The following RYR3 variants were observed in gnomAD, a reference collection of about 807,000 sequenced individuals.
RYR3 encodes ryanodine receptor 3.
In RYR3, 207 loss-of-function variants were observed where a neutral mutation model predicts 584.3. That is an observed-to-expected ratio of 0.35 (90% CI 0.32 to 0.40). The LOEUF (loss-of-function observed/expected upper bound fraction) is 0.40, where lower values mean the gene tolerates loss of function less well. Among genes scored for constraint, RYR3 ranks in the 10% least tolerant of loss-of-function variants. RYR3 has a pLI of 1.00. For synonymous variants in RYR3, 2,416 were observed against 2,248.5 expected, an observed-to-expected ratio of 1.07 and a Z score of -2.11; for missense variants, 5,616 against 6,089.2, an observed-to-expected ratio of 0.92 and a Z score of 2.59.
chr15:33,529,417 C>G (rs1182114045), intron 3 of RYR3, among the ~76,000 whole-genome samples: 1 of 152,158 alleles, frequency 6.6e-6, no homozygotes, highest in Non-Finnish European at 1.5e-5. Context: ...TCCACACTAC[C>G]TGATTCCCTT....
At chr15:33,639,106 A>G (rs1305010627) in intron 27 of RYR3, among the ~76,000 whole-genome samples, 2 of 152,174 alleles carry the variant, frequency 1.3e-5, no homozygotes, top group Non-Finnish European at 2.9e-5. Flanking sequence ...TGAGCAGAGG[A>G]ATACTATAGA....
chr15:33,512,211 C>T (rs1169122239), intron 3 of RYR3, among the ~76,000 whole-genome samples: 1 of 152,192 alleles, frequency 6.6e-6, no homozygotes, highest in Admixed American at 6.5e-5. Context: ...CTTCAGACCT[C>T]TTCCAGTGCT....
At chr15:33,606,694 C>T (rs575680177) in intron 18 of RYR3, among the ~76,000 whole-genome samples, 24 of 152,262 alleles carry the variant, frequency 1.6e-4, no homozygotes, top group Non-Finnish European at 2.8e-4. Context: ...CTCACTTTCC[C>T]TCTCTGGATG....
chr15:33,550,304 C>A lies in RYR3; in HGVS notation c.960C>A (p.Phe320Leu). Reference sequence around the variant, plus strand: ...ACACCAAGTCCACAGCTTTCTCTTTCCGGGCATCAAAGGTAAGGTGTGATA... The same window carrying A: ...ACACCAAGTCCACAGCTTTCTCTTTACGGGCATCAAAGGTAAGGTGTGATA... The part of the protein sequence containing the change: ...KSDTKSTAFS[F>L]RASKELKEKL... Residue 320 changes from phenylalanine to leucine, a missense_variant, in exon 10 of 104, where the codon TTC becomes TTA. Transcript: ENST00000634891. 6.2e-7 allele frequency: 1 copy of A among 1,613,000 alleles called. No homozygotes were observed. The highest frequency in any genetic ancestry group is 8.5e-7 in the Non-Finnish European group (1 of 1,179,462).
chr15:33,561,775 C>CT (rs1221295974), intron 10 of RYR3, among the ~76,000 whole-genome samples: 94 of 151,902 alleles, frequency 6.2e-4, no homozygotes, highest in African/African-American at 2.2e-3. Flanking sequence ...TGGCCTGCAC[C>CT]TGGAGTCCTA....
rs768167300 is a variant in RYR3, at chr15:33,860,627, G to C, written c.14332G>C (p.Asp4778His). ...TATTGATGCTTTCGGAGAGCTAAGA[G>C]ACCAGCAGGAACAAGTACGAGAAGA... ...LIIDAFGELR[D>H]QQEQVREDME... Residue 4778 changes from aspartate (D) to histidine (H), a missense_variant, in exon 101 of 104, where the codon GAC becomes CAC. Asp to His is a moderately conservative substitution (Grantham distance 81). Transcript: ENST00000634891. 4 of 1,594,170 alleles carry C rather than the reference G, an allele frequency of 2.5e-6. No homozygotes were observed. The South Asian group carries it at 4.6e-5, about 18-fold the overall frequency.
chr15:33,563,044 A>T, intron 11 of RYR3, 34 bp downstream of exon 11: 1 of 1,567,226 alleles, frequency 6.4e-7, no homozygotes, highest in South Asian at 1.2e-5. Context: ...CAATTGTTTT[A>T]CCCTGAGTTG....
chr15:33,834,074 G>A (rs948272768), intron 86 of RYR3, among the ~76,000 whole-genome samples: 1 of 152,068 alleles, frequency 6.6e-6, no homozygotes, highest in African/African-American at 2.4e-5. Context: ...TTGAGGCCAG[G>A]AGTTTGAGAC....
intron 85 of RYR3, among the ~76,000 whole-genome samples, chr15:33,830,545 T>C (rs1383239394): frequency 2.0e-5 from 3 of 152,258 alleles, no homozygotes; most frequent in Non-Finnish European, 4.4e-5. Context: ...TACTGTAGTT[T>C]ATCTGTAATC....
chr15:33,503,440 G>T (rs925519230), intron 2 of RYR3, among the ~76,000 whole-genome samples, 191 bp from the exon 3 acceptor site: 4 of 152,000 alleles, frequency 2.6e-5, no homozygotes, highest in Non-Finnish European at 5.9e-5. Context: ...TGATATATGG[G>T]GCTTTTCTTA....
intron 69 of RYR3, among the ~76,000 whole-genome samples, chr15:33,806,387 T>C (rs2076210145): frequency 6.6e-6 from 1 of 152,042 alleles, no homozygotes; most frequent in African/African-American, 2.4e-5. Flanking sequence ...TGGGCCAGTG[T>C]CGTGCCTGTA....
chr15:33,485,965 T>C (rs1422974783), intron 2 of RYR3, among the ~76,000 whole-genome samples: 1 of 152,032 alleles, frequency 6.6e-6, no homozygotes. Context: ...GTTTAATGAG[T>C]GAGCGAGCAA....
chr15:33,810,734 C>G (rs1410671848), intron 71 of RYR3, 85 bp downstream of exon 71: 11 of 1,542,138 alleles, frequency 7.1e-6, no homozygotes, highest in Admixed American at 1.8e-5. Flanking sequence ...TAGTCCTCCT[C>G]CCCTGGGGGG....
intron 3 of RYR3, among the ~76,000 whole-genome samples, chr15:33,519,771 C>T (rs569384411): frequency 3.9e-5 from 6 of 152,178 alleles, no homozygotes; most frequent in East Asian, 1.9e-4. Context: ...GCCCCTGGTC[C>T]GTGGACAGGT....
Position 33,660,215 on chromosome 15 carries a change from G to C in RYR3, c.4414G>C (p.Ala1472Pro), listed in dbSNP as rs749649839. ...GKLKNAMPLS[A>P]AIFRSEEKNP... Reference sequence around the variant, plus strand: ...GCCCCAGAACGCAATGCCCCTGTCAGCGGCCATATTCAGGAGTGAAGAGAA... The same window carrying C: ...GCCCCAGAACGCAATGCCCCTGTCACCGGCCATATTCAGGAGTGAAGAGAA... The change falls in exon 34 of 104, where the codon GCG (alanine) becomes CCG (proline). Residue 1472 changes from alanine (A) to proline (P), a missense_variant. Coordinates refer to ENST00000634891, the MANE Select transcript of RYR3 (RefSeq NM_001036.6). 5.2e-6 allele frequency: 8 copies of C among 1,552,152 alleles called. No homozygotes were observed. Among genetic ancestry groups the C allele is most frequent in the Non-Finnish European group, 7.0e-6 (8 of 1,147,212 alleles).
chr15:33,504,972 T>G (rs1488702623), intron 3 of RYR3, among the ~76,000 whole-genome samples: 1 of 152,210 alleles, frequency 6.6e-6, no homozygotes, highest in African/African-American at 2.4e-5. Flanking sequence ...GGGACAACAT[T>G]AGGTACTTTT....
chr15:33,419,430 A>G (rs1003901776), intron 1 of RYR3, among the ~76,000 whole-genome samples: 1 of 152,110 alleles, frequency 6.6e-6, no homozygotes, highest in African/African-American at 2.4e-5. Context: ...GCCAGGAAGT[A>G]ATCAGTCAGA....
chr15:33,382,918 C>A (rs2041308490), intron 1 of RYR3, among the ~76,000 whole-genome samples: 1 of 149,738 alleles, frequency 6.7e-6, no homozygotes, highest in Non-Finnish European at 1.5e-5. Context: ...AAATTTTAAA[C>A]CTGTAGCTGT....
chr15:33,548,133 G>A lies in RYR3; in HGVS notation c.744G>A (p.Arg248=). The change falls in exon 9 of 104, where the codon AGG becomes AGA. Residue 248 remains arginine (R), a synonymous_variant. Transcript: ENST00000634891. Reference sequence around the variant, plus strand: ...TGATCTCCAACTCTGCTCACAGGAGGATATTCTACGAAGCTGGGGGAGCTG... The same window carrying A: ...TGATCTCCAACTCTGCTCACAGGAGAATATTCTACGAAGCTGGGGGAGCTG... ...STDQNDSQHR[R]IFYEAGGAGT... 1.2e-6 allele frequency: 2 copies of A among 1,611,728 alleles called. No homozygotes were observed. The highest frequency in any genetic ancestry group is 1.7e-6 in the Non-Finnish European group (2 of 1,178,772).
Sources: gnomAD v4.1 joint callset for allele counts (sites outside exome capture counted in the v4.1 genomes callset) on GRCh38, gnomAD v4.1.1 for gene constraint, MANE v1.5 for transcripts, NCBI Gene and HGNC (gene_info 2026-07-23, HGNC 2026-07-21) for gene names.